Variants in ITGA2B observed in about 807,000 individuals in gnomAD.
The protein encoded by ITGA2B is integrin subunit alpha 2b.
A neutral mutation model predicts 142.0 loss-of-function variants in ITGA2B; 91 were observed. The observed-to-expected ratio is 0.64, with a 90% CI of 0.54 to 0.76. The LOEUF is 0.76. Among genes scored for constraint, ITGA2B ranks in the 30% least tolerant of loss-of-function variants. The pLI is 0.00. For synonymous variants in ITGA2B, 536 were observed against 567.2 expected, an observed-to-expected ratio of 0.94 and a Z score of 0.78; for missense variants, 1,231 against 1,350.8, an observed-to-expected ratio of 0.91 and a Z score of 1.39.
rs763637665 is a variant in ITGA2B, at chr17:44,375,057, G to T, written c.2782C>A (p.Arg928Ser). 1 of 1,546,826 alleles carries T rather than the reference G, an allele frequency of 6.5e-7. No homozygotes were observed. The highest frequency in any genetic ancestry group is 8.7e-7 in the Non-Finnish European group (1 of 1,146,620). The change falls in exon 27 of 30, where the codon CGC becomes AGC. Residue 928 changes from arginine (R) to serine (S), a missense_variant. Transcript: ENST00000262407. ...ACCGTGACCATGGCCCGCTGCCCGCGCGCCATCTCCTGCAGGTCACACTGC... is the reference window on the plus strand; with the variant it reads ...ACCGTGACCATGGCCCGCTGCCCGCTCGCCATCTCCTGCAGGTCACACTGC... ...VVQCDLQEMA[R>S]GQRAMVTVLA...
Position 44,378,728 on chromosome 17 carries a change from G to A in ITGA2B, c.1879-18C>T, listed in dbSNP as rs1427230854. The A allele has an allele frequency of 1.9e-6, 3 of 1,552,448 alleles. No individual in the cohort carries two copies. Among genetic ancestry groups the A allele is most frequent in the Non-Finnish European group, 2.6e-6 (3 of 1,146,986 alleles). Reference sequence around the variant, plus strand: ...ATTCGTGTCTAGAGGGGCACATTGGGGTGTGCGGGTAAGTTGGGGATGTGT... The same window carrying A: ...ATTCGTGTCTAGAGGGGCACATTGGAGTGTGCGGGTAAGTTGGGGATGTGT... On this transcript the variant is annotated intron_variant, in intron 18 of 29. Transcript: ENST00000262407.
chr17:44,375,045 C>A lies in ITGA2B; in HGVS notation c.2794G>T (p.Ala932Ser), dbSNP rs944327941. The part of the protein sequence containing the change: ...DLQEMARGQR[A>S]MVTVLAFLWL... ...AGGAAGGCCAGCACCGTGACCATGG[C>A]CCGCTGCCCGCGCGCCATCTCCTGC... The change falls in exon 27 of 30, where the codon GCC (alanine) becomes TCC (serine). Residue 932 changes from alanine (A) to serine (S), a missense_variant. This residue lies in a region of ITGA2B where 908 missense variants were observed against 1,021.1 expected (regional missense o/e 0.89). Coordinates refer to ENST00000262407, the MANE Select transcript of ITGA2B (RefSeq NM_000419.5). 2 of 1,545,594 alleles carry A rather than the reference C, an allele frequency of 1.3e-6. No homozygotes were observed. The highest frequency in any genetic ancestry group is 2.4e-5 in the South Asian group (2 of 84,018).
In ITGA2B at chr17:44,376,115, G is replaced by T. The variant is rs1481912243; in HGVS notation, c.2418C>A (p.Ser806Arg). The T allele has an allele frequency of 6.2e-7, 1 of 1,614,184 alleles. No homozygotes were observed. The highest frequency in any genetic ancestry group is 1.7e-5 in the Admixed American group (1 of 60,030). ...EGEREQNSLD[S>R]WGPKVEHTYE... is the part of the protein sequence containing the mutation. ...AGGTGTGCTCCACTTTGGGTCCCCAGCTGTCCAAGCTGTTCTGCTCCCTCT... is the reference window on the plus strand; with the variant it reads ...AGGTGTGCTCCACTTTGGGTCCCCATCTGTCCAAGCTGTTCTGCTCCCTCT... The change falls in exon 24 of 30, where the codon AGC becomes AGA. Residue 806 changes from serine to arginine, a missense_variant. Coordinates refer to ENST00000262407, the MANE Select transcript of ITGA2B (RefSeq NM_000419.5).
Position 44,372,395 on chromosome 17 carries a change from G to A in ITGA2B, c.3089C>T (p.Pro1030Leu). ...KVGFFKRNRP[P>L]LEEDDEEGE ...CCCCTCTTCATCATCTTCTTCCAGG[G>A]GTGGCCGGTTCCGCTTGAAGAAGCC... is the stretch of plus-strand genomic sequence containing the variant. Residue 1030 changes from proline to leucine, a missense_variant, in exon 30 of 30, where the codon CCC becomes CTC. This residue lies in a region of ITGA2B where 908 missense variants were observed against 1,021.1 expected (regional missense o/e 0.89). Transcript: ENST00000262407. 6.2e-7 allele frequency: 1 copy of A among 1,614,056 alleles called. No homozygotes were observed. The highest frequency in any genetic ancestry group is 8.5e-7 in the Non-Finnish European group (1 of 1,180,024).
At position 44,374,769 on chromosome 17, in the gene ITGA2B, G is replaced by A; in HGVS notation, c.2842-9C>T. On this transcript the variant is annotated splice_polypyrimidine_tract_variant and intron_variant, in intron 27 of 29. Transcript: ENST00000262407. ...AACTGATCCAGAGGCCTCTGGACAGGTTGGGGTTGAAAGCCGTTTACACCC... is the reference window on the plus strand; with the variant it reads ...AACTGATCCAGAGGCCTCTGGACAGATTGGGGTTGAAAGCCGTTTACACCC... 6.2e-7 allele frequency: 1 copy of A among 1,612,436 alleles called. No individual in the cohort carries two copies. The highest frequency in any genetic ancestry group is 8.5e-7 in the Non-Finnish European group (1 of 1,178,622).
In ITGA2B at chr17:44,384,078, C is replaced by T. The variant is rs1192411538; in HGVS notation, c.945+7G>A. 1 of 1,613,640 alleles carries T rather than the reference C, an allele frequency of 6.2e-7. No individual in the cohort carries two copies. The highest frequency in any genetic ancestry group is 1.3e-5 in the African/African-American group (1 of 74,916). ...CCCAGCCACGCCCACTGGGACCTGGCCCCCACCTGCTCTCCGCGCAGCCGA... is the reference window on the plus strand; with the variant it reads ...CCCAGCCACGCCCACTGGGACCTGGTCCCCACCTGCTCTCCGCGCAGCCGA... On this transcript the variant is annotated splice_region_variant and intron_variant, in intron 10 of 29. Coordinates refer to ENST00000262407, the MANE Select transcript of ITGA2B (RefSeq NM_000419.5).
At chr17:44,380,794 AGC>A in intron 13 of ITGA2B, 83 bp downstream of exon 13, 2 of 1,576,816 alleles carry the variant, frequency 1.3e-6, no homozygotes, top group Admixed American at 3.3e-5. Flanking sequence ...GCCAGGCATG[AGC>A]CCCTGGCCGT....
Position 44,376,318 on chromosome 17 carries a change from C to T in ITGA2B, c.2338G>A (p.Glu780Lys), listed in dbSNP as rs754656542. 2.4e-5 allele frequency: 39 copies of T among 1,614,082 alleles called. No individual in the cohort carries two copies. In the South Asian group the frequency reaches 2.5e-4, roughly 10 times the overall value. Reference sequence around the variant, plus strand: ...CCCCTGGCCTCTCACCCTCGCAGCTCCACTTGGGCCTCTGCCCGGACCGGC... The same window carrying T: ...CCCCTGGCCTCTCACCCTCGCAGCTTCACTTGGGCCTCTGCCCGGACCGGC... ...DVPVRAEAQV[E>K]LRGNSFPASL... The change falls in exon 23 of 30, where the codon GAG (glutamate) becomes AAG (lysine). Residue 780 changes from glutamate to lysine, a missense_variant. Coordinates refer to ENST00000262407, the MANE Select transcript of ITGA2B (RefSeq NM_000419.5).
rs761499639 is a variant in ITGA2B at position 44,383,723 on chromosome 17, G to GT, written c.999-20dup. 15 of 1,562,374 alleles carry GT rather than the reference G, an allele frequency of 9.6e-6. No homozygotes were observed. The highest frequency in any genetic ancestry group is 1.3e-5 in the Non-Finnish European group (15 of 1,152,944). On this transcript the variant is annotated intron_variant, in intron 11 of 29. Coordinates refer to ENST00000262407, the MANE Select transcript of ITGA2B (RefSeq NM_000419.5). ...ATGCCTCCTGTGGGCCAGATGAGTG[G>GT]TTACATGGGACTGGACCAGGGGTAT...
chr17:44,382,971 C>T (rs190791310), intron 12 of ITGA2B, among the ~76,000 whole-genome samples: 22 of 152,194 alleles, frequency 1.4e-4, no homozygotes, highest in Admixed American at 1.4e-3. Context: ...TTCCCCAAAC[C>T]CCTGTCTCCC....
At chr17:44,379,168 A>C (rs868354564) in intron 18 of ITGA2B, among the ~76,000 whole-genome samples, 4 of 143,626 alleles carry the variant, frequency 2.8e-5, no homozygotes, top group African/African-American at 2.6e-5. Context: ...GTTAGCCAGG[A>C]TGGTCTTGAT....
Position 44,385,298 on chromosome 17 carries a change from G to C in ITGA2B, c.612C>G (p.Ser204=), listed in dbSNP as rs1303924969. 2.5e-6 allele frequency: 4 copies of C among 1,612,998 alleles called. No individual in the cohort carries two copies. The highest frequency in any genetic ancestry group is 3.4e-6 in the Non-Finnish European group (4 of 1,179,996). The part of the protein sequence containing the change: ...DKRYCEAGFS[S]VVTQAGELVL... ...GCTCCCTACTCGCCTGAGTGACCAC[G>C]GAGCTGAAGCCCGCTTCACAGTAAC... Residue 204 remains serine, a synonymous_variant, in exon 5 of 30, where the codon TCC becomes TCG. Coordinates refer to ENST00000262407, the MANE Select transcript of ITGA2B (RefSeq NM_000419.5).
chr17:44,381,102 A>G, intron 12 of ITGA2B, 41 bp from the exon 13 acceptor site: 1 of 1,593,906 alleles, frequency 6.3e-7, no homozygotes, highest in Non-Finnish European at 8.6e-7. Flanking sequence ...ATTGTTATTC[A>G]GCCTCCCTAG....
intron 13 of ITGA2B, 23 bp downstream of exon 13, chr17:44,380,856 T>C: frequency 1.2e-6 from 2 of 1,614,078 alleles, no homozygotes. Flanking sequence ...TGGGCATTTC[T>C]AGCTGGAGGC....
intron 1 of ITGA2B, 46 bp downstream of exon 1, chr17:44,389,239 GA>G: frequency 6.3e-7 from 1 of 1,596,360 alleles, no homozygotes; most frequent in South Asian, 1.1e-5. Context: ...CAGTGATGGG[GA>G]GGGGTCCTGC....
Position 44,389,358 on chromosome 17 carries a change from A to C in ITGA2B, c.116T>G (p.Leu39Arg). The change falls in exon 1 of 30, where the codon CTC (leucine) becomes CGC (arginine). Residue 39 changes from leucine to arginine, a missense_variant. Leu to Arg is a moderately radical substitution (Grantham distance 102). Transcript: ENST00000262407. Reference protein sequence around the residue: ...AWALNLDPVQLTFYAGPNGSQ... With the variant: ...AWALNLDPVQRTFYAGPNGSQ... ...GCCATTGGGGCCTGCATAGAAGGTGAGCTGCACTGGGTCCAGGTTCAAGGC... is the reference window on the plus strand; with the variant it reads ...GCCATTGGGGCCTGCATAGAAGGTGCGCTGCACTGGGTCCAGGTTCAAGGC... The C allele has an allele frequency of 6.2e-7, 1 of 1,614,156 alleles. No individual in the cohort carries two copies. Among genetic ancestry groups the C allele is most frequent in the Middle Eastern group, 1.6e-4 (1 of 6,062 alleles).
In ITGA2B at chr17:44,389,548, G is replaced by A; in HGVS notation, c.-75C>T. 1.3e-6 allele frequency: 2 copies of A among 1,518,554 alleles called. No homozygotes were observed. The highest frequency in any genetic ancestry group is 1.8e-6 in the Non-Finnish European group (2 of 1,109,148). 94.1% of individuals were successfully genotyped at this position (1,518,554 alleles called of 1,614,324 possible). A position where few individuals can be genotyped will look rare whatever the true frequency, so the allele number is the denominator to read the frequency against. ...TTCCCTTCAGATTCCTCCACAGGAA[G>A]TCTTTTCTTATCAAACTGGAACCCC... On this transcript the variant is annotated 5_prime_UTR_variant, in exon 1 of 30. Coordinates refer to ENST00000262407, the MANE Select transcript of ITGA2B (RefSeq NM_000419.5).
rs1228111391 is a variant in ITGA2B at position 44,378,700 on chromosome 17, A to G, written c.1889T>C (p.Val630Ala). Residue 630 changes from valine (V) to alanine (A), a missense_variant, in exon 19 of 30, where the codon GTC (valine) becomes GCC (alanine). Physicochemically the swap from Val to Ala is moderately conservative, Grantham distance 64. Around this residue, in one of 3 missense-constraint regions of ITGA2B, gnomAD observed 908 missense variants for 1,021.1 expected, o/e 0.89. Coordinates refer to ENST00000262407, the MANE Select transcript of ITGA2B (RefSeq NM_000419.5). Reference protein sequence around the residue: ...DTHVQEQTRIVLDCGEDDVCV... With the variant: ...DTHVQEQTRIALDCGEDDVCV... ...TACGTCATCTTCCCCACAGTCCAGG[A>G]CGATTCGTGTCTAGAGGGGCACATT... 1 of 1,556,840 alleles carries G rather than the reference A, an allele frequency of 6.4e-7. No homozygotes were observed. Among genetic ancestry groups the G allele is most frequent in the Non-Finnish European group, 8.7e-7 (1 of 1,149,524 alleles).
intron 26 of ITGA2B, 56 bp downstream of exon 26, chr17:44,375,535 C>T: frequency 6.3e-7 from 1 of 1,596,534 alleles, no homozygotes; most frequent in South Asian, 1.1e-5. Context: ...TCCTCCCATC[C>T]CCTCTGCCCC....
Sources: gnomAD v4.1 joint callset for allele counts (sites outside exome capture counted in the v4.1 genomes callset) on GRCh38, gnomAD v4.1.1 for gene constraint, gnomAD v4.1.1 regional missense constraint, MANE v1.5 for transcripts, NCBI Gene and HGNC (gene_info 2026-07-23, HGNC 2026-07-21) for gene names.